CDK17: variants seen among roughly 807,000 people sequenced by gnomAD.
The protein encoded by CDK17 is cyclin dependent kinase 17.
A neutral mutation model predicts 77.6 loss-of-function variants in CDK17; 24 were observed. That is an observed-to-expected ratio of 0.31 (90% CI 0.22 to 0.44). The LOEUF (loss-of-function observed/expected upper bound fraction) is 0.44. CDK17 is among the 20% of genes least tolerant of loss of function. The pLI, the probability that CDK17 is intolerant of heterozygous loss-of-function variation, is 1.00. For synonymous variants in CDK17, 203 were observed against 210.4 expected, an observed-to-expected ratio of 0.96 and a Z score of 0.30; for missense variants, 429 against 622.5, an observed-to-expected ratio of 0.69 and a Z score of 3.31.
intron 3 of CDK17, among the ~76,000 whole-genome samples, chr12:96,319,222 A>G (rs1050714884): frequency 6.6e-5 from 10 of 151,844 alleles, no homozygotes; most frequent in African/African-American, 2.4e-4. Flanking sequence ...ATTCCTCAAC[A>G]CATACACTCT....
intron 1 of CDK17, among the ~76,000 whole-genome samples, chr12:96,355,865 T>C (rs927544218): frequency 6.6e-6 from 1 of 152,188 alleles, no homozygotes; most frequent in Non-Finnish European, 1.5e-5. Flanking sequence ...TGATAGCAAA[T>C]ACTAACATAG....
At chr12:96,297,366 C>G in intron 8 of CDK17, 34 bp from the exon 9 acceptor site, 1 of 1,387,670 alleles carries the variant, frequency 7.2e-7, no homozygotes, top group Non-Finnish European at 1.0e-6. Flanking sequence ...ATGTGATACA[C>G]CATTTTCAGA....
At chr12:96,324,689 C>T (rs1271218466) in intron 2 of CDK17, among the ~76,000 whole-genome samples, 2 of 152,064 alleles carry the variant, frequency 1.3e-5, no homozygotes, top group Non-Finnish European at 2.9e-5. Context: ...ACTGCTTGAA[C>T]CCGGGTTGCA....
At chr12:96,376,175 A>C (rs1438539184) in intron 1 of CDK17, among the ~76,000 whole-genome samples, 1 of 152,192 alleles carries the variant, frequency 6.6e-6, no homozygotes, top group Non-Finnish European at 1.5e-5. Flanking sequence ...TTCATTGTTC[A>C]TTTCAGGAAC....
chr12:96,399,754 C>G (rs1381215766), intron 1 of CDK17, among the ~76,000 whole-genome samples: 3 of 152,140 alleles, frequency 2.0e-5, no homozygotes, highest in Non-Finnish European at 4.4e-5. Context: ...ACTCACACCC[C>G]ACCCGAGCCC....
At chr12:96,396,197 A>G (rs1226131799) in intron 1 of CDK17, among the ~76,000 whole-genome samples, 1 of 152,234 alleles carries the variant, frequency 6.6e-6, no homozygotes, top group East Asian at 1.9e-4. Context: ...AGAGGCAGAC[A>G]GGCTGGGAAC....
intron 1 of CDK17, among the ~76,000 whole-genome samples, chr12:96,366,365 A>C (rs1953582768): frequency 6.6e-6 from 1 of 152,204 alleles, no homozygotes; most frequent in African/African-American, 2.4e-5. Flanking sequence ...CCAGTCCCTC[A>C]TATAAGGGAA....
chr12:96,290,269 G>A (rs1453288348), intron 10 of CDK17, among the ~76,000 whole-genome samples: 1 of 152,174 alleles, frequency 6.6e-6, no homozygotes. Context: ...TGAGAGAGTC[G>A]CTATTACCTC....
intron 5 of CDK17, among the ~76,000 whole-genome samples, chr12:96,305,672 T>C (rs1032279662): frequency 6.6e-6 from 1 of 152,170 alleles, no homozygotes; most frequent in African/African-American, 2.4e-5. Flanking sequence ...CATAGGTAGA[T>C]TTGCAAGTTT....
intron 3 of CDK17, among the ~76,000 whole-genome samples, chr12:96,314,353 G>A (rs1952679834): frequency 6.6e-6 from 1 of 151,128 alleles, no homozygotes; most frequent in Non-Finnish European, 1.5e-5. Flanking sequence ...CACATCTGGT[G>A]TTTTGTTTTG....
Position 96,279,985 on chromosome 12 carries a change from A to G in CDK17, c.*257T>C. On this transcript the variant is annotated 3_prime_UTR_variant, in exon 17 of 17. Coordinates refer to ENST00000261211, the MANE Select transcript of CDK17 (RefSeq NM_002595.5). ...TCAGTCCTGCACAAAAATTGCAGCT[A>G]TAGTTACATCAATAGCTGTAACCTA... 2.6e-6 allele frequency: 1 copy of G among 379,950 alleles called. No homozygotes were observed. The allele number at this position is 379,950 out of a possible 1,614,324, so 23.5% of individuals were successfully genotyped here.
At chr12:96,336,517 A>T (rs1455206754) in intron 1 of CDK17, among the ~76,000 whole-genome samples, 1 of 152,220 alleles carries the variant, frequency 6.6e-6, no homozygotes, top group East Asian at 1.9e-4. Context: ...AAAATACCAA[A>T]AAATACTAAA....
At chr12:96,352,078 G>A (rs886721083) in intron 1 of CDK17, among the ~76,000 whole-genome samples, 1 of 152,164 alleles carries the variant, frequency 6.6e-6, no homozygotes, top group Non-Finnish European at 1.5e-5. Context: ...CCTGCAATAG[G>A]AGGGGGAAAC....
At chr12:96,373,355 G>A (rs1379351954) in intron 1 of CDK17, among the ~76,000 whole-genome samples, 2 of 152,172 alleles carry the variant, frequency 1.3e-5, no homozygotes, top group Non-Finnish European at 2.9e-5. Context: ...CACTTTGGGA[G>A]GCCTAGGCAG....
At chr12:96,303,823 T>G (rs12313403) in intron 5 of CDK17, among the ~76,000 whole-genome samples, 59,132 of 151,892 alleles carry the variant, frequency 0.39, 11,883 homozygotes, top group East Asian at 0.58. Flanking sequence ...GAGATGCTGT[T>G]CTAGCTGAGC....
chr12:96,295,041 G>A lies in CDK17; in HGVS notation c.955C>T (p.Leu319Phe), dbSNP rs1470925277. Reference protein sequence around the residue: ...VLHRDLKPQNLLINEKGELKL... With the variant: ...VLHRDLKPQNFLINEKGELKL... Reference sequence around the variant, plus strand: ...AATTCTCCTTTCTCATTAATGAGGAGGTTCTGTGGTTTCAAGTCTCGATGC... The same window carrying A: ...AATTCTCCTTTCTCATTAATGAGGAAGTTCTGTGGTTTCAAGTCTCGATGC... Residue 319 changes from leucine (L) to phenylalanine (F), a missense_variant, in exon 10 of 17, where the codon CTC (leucine) becomes TTC (phenylalanine). Coordinates refer to ENST00000261211, the MANE Select transcript of CDK17 (RefSeq NM_002595.5). 1 of 1,612,786 alleles carries A rather than the reference G, an allele frequency of 6.2e-7. No individual in the cohort carries two copies. The highest frequency in any genetic ancestry group is 8.5e-7 in the Non-Finnish European group (1 of 1,179,158).
At chr12:96,312,065 T>C (rs932983550) in intron 4 of CDK17, among the ~76,000 whole-genome samples, 22 of 152,200 alleles carry the variant, frequency 1.4e-4, no homozygotes, top group Non-Finnish European at 3.1e-4. Flanking sequence ...GGCTCAAGCC[T>C]GTAATCCTAG....
At chr12:96,311,342 A>G (rs182031271) in intron 4 of CDK17, among the ~76,000 whole-genome samples, 165 bp from the exon 5 acceptor site, 31 of 152,190 alleles carry the variant, frequency 2.0e-4, no homozygotes, top group Middle Eastern at 3.4e-3. Context: ...TGGCAAAAAC[A>G]TTTACTGTAA....
chr12:96,297,470 A>G (rs1466500374), intron 8 of CDK17, 138 bp from the exon 9 acceptor site: 15 of 738,284 alleles, frequency 2.0e-5, no homozygotes, highest in Non-Finnish European at 3.2e-5. Context: ...TTAATGAAAA[A>G]CTGATAACTA....
Sources: allele counts gnomAD v4.1 joint callset (sites outside exome capture counted in the v4.1 genomes callset), GRCh38; gene constraint gnomAD v4.1.1; transcripts MANE v1.5; gene names NCBI Gene and HGNC (gene_info 2026-07-23, HGNC 2026-07-21).